Variants in IRX3 observed in about 807,000 individuals in gnomAD.
IRX3 encodes the protein iroquois-class homeodomain protein IRX-3.
Under a neutral mutation model 36.4 loss-of-function variants are expected in IRX3, and 20 were observed. The ratio of observed to expected loss-of-function variants is 0.55; its 90% CI spans 0.39 to 0.80. The LOEUF (loss-of-function observed/expected upper bound fraction) is 0.80. IRX3 is among the 30% of genes least tolerant of loss of function. The pLI, the probability that IRX3 is intolerant of heterozygous loss-of-function variation, is 0.00. For missense variants in IRX3, 718 were observed against 733.2 expected (o/e 0.98, Z 0.24); for synonymous variants, 404 against 351.6 (o/e 1.15, Z -1.67).
Position 54,285,743 on chromosome 16 carries a change from C to G in IRX3, c.267+41G>C. 1.3e-6 allele frequency: 2 copies of G among 1,490,230 alleles called. No homozygotes were observed. Among genetic ancestry groups the G allele is most frequent in the Non-Finnish European group, 1.8e-6 (2 of 1,129,430 alleles). The allele number at this position is 1,490,230 out of a possible 1,614,324, so 92.3% of individuals were successfully genotyped here. On this transcript the variant is annotated intron_variant, in intron 1 of 3. Coordinates refer to ENST00000329734, the MANE Select transcript of IRX3 (RefSeq NM_024336.3). The surrounding 1 kb of genome is among the most constrained non-coding windows in gnomAD (Gnocchi z 5.7). ...CCGCGCGCTCAGCTCGCCCTGCGCC[C>G]CAGCGCCAACCCCTCCTTCCCTGGC...
rs1901233423 is a variant in IRX3 at position 54,283,718 on chromosome 16, C to A, written c.1474G>T (p.Ala492Ser). ...GAGGAGAGAGCCGATAAGACCAGGG[C>A]GGCGTCCAGATGGTTCTGGGGCCTG... ...PRRPQNHLDA[A>S]LVLSALSSS The change falls in exon 4 of 4, where the codon GCC (alanine) becomes TCC (serine). Residue 492 changes from alanine (A) to serine (S), a missense_variant. Coordinates refer to ENST00000329734, the MANE Select transcript of IRX3 (RefSeq NM_024336.3). The surrounding 1 kb of genome is among the most constrained non-coding windows in gnomAD (Gnocchi z 4.4). 3.3e-6 allele frequency: 5 copies of A among 1,501,352 alleles called. No individual in the cohort carries two copies. Among genetic ancestry groups the A allele is most frequent in the Non-Finnish European group, 4.6e-6 (5 of 1,077,870 alleles). The allele number at this position is 1,501,352 out of a possible 1,614,324, so 93.0% of individuals were successfully genotyped here. A position where few individuals can be genotyped will look rare whatever the true frequency, so the allele number is the denominator to read the frequency against.
chr16:54,285,069 G>C lies in IRX3; in HGVS notation c.812C>G (p.Ala271Gly). 1 of 1,613,174 alleles carries C rather than the reference G, an allele frequency of 6.2e-7. No homozygotes were observed. Among genetic ancestry groups the C allele is most frequent in the Non-Finnish European group, 8.5e-7 (1 of 1,179,798 alleles). Residue 271 changes from alanine to glycine, a missense_variant, in exon 2 of 4, where the codon GCT (alanine) becomes GGT (glycine). Transcript: ENST00000329734. This position sits in a 1 kb window ranked among gnomAD's most constrained non-coding sequence, Gnocchi z 5.7. ...GTCGCCATCCCTGCGCGCCGCCCCAGCCAGGGACAGCTCAGGCTCGGTGGC... is the reference window on the plus strand; with the variant it reads ...GTCGCCATCCCTGCGCGCCGCCCCACCCAGGGACAGCTCAGGCTCGGTGGC... ...GAATEPELSLAGAARRDGDLG... is the reference protein window; with the variant it reads ...GAATEPELSLGGAARRDGDLG...
rs1901239529 is a variant in IRX3 at position 54,283,939 on chromosome 16, G to C, written c.1452-199C>G. On this transcript the variant is annotated intron_variant, in intron 3 of 3. Coordinates refer to ENST00000329734, the MANE Select transcript of IRX3 (RefSeq NM_024336.3). This position sits in a 1 kb window ranked among gnomAD's most constrained non-coding sequence, Gnocchi z 4.4. Reference sequence around the variant, plus strand: ...GCGTCAGGACCCGAGGTCTGGGGCTGGAAAGAGGTGGGCGTCAGAGAACCG... The same window carrying C: ...GCGTCAGGACCCGAGGTCTGGGGCTCGAAAGAGGTGGGCGTCAGAGAACCG... 1 of 985,288 alleles carries C rather than the reference G, an allele frequency of 1.0e-6. No homozygotes were observed. Among genetic ancestry groups the C allele is most frequent in the South Asian group, 4.7e-5 (1 of 21,290 alleles). The allele number at this position is 985,288 out of a possible 1,614,324, so 61.0% of individuals were successfully genotyped here.
Position 54,283,491 on chromosome 16 carries a change from G to A in IRX3, c.*195C>T, listed in dbSNP as rs1901222840. The A allele has an allele frequency of 2.0e-6, 1 of 504,856 alleles. No individual in the cohort carries two copies. Among genetic ancestry groups the A allele is most frequent in the Non-Finnish European group, 3.6e-6 (1 of 277,790 alleles). The allele number at this position is 504,856 out of a possible 1,614,324, so 31.3% of individuals were successfully genotyped here. On this transcript the variant is annotated 3_prime_UTR_variant, in exon 4 of 4. Coordinates refer to ENST00000329734, the MANE Select transcript of IRX3 (RefSeq NM_024336.3). This position sits in a 1 kb window ranked among gnomAD's most constrained non-coding sequence, Gnocchi z 4.4. ...ACAAACCTCACAGCGAATGCGGGGT[G>A]CCACAGAAGCGACTTGGGGAGGGCT...
chr16:54,284,552 G>T lies in IRX3; in HGVS notation c.1329C>A (p.Gly443=). The part of the protein sequence containing the change: ...PHLLGLPGAA[G]HPAAAAAFAR... ...CGAAGGCGGCGGCGGCAGCCGGGTG[G>T]CCCGCGGCTCCGGGAAGTCCCAGCA... Residue 443 remains glycine (G), a synonymous_variant, in exon 2 of 4, where the codon GGC becomes GGA. Transcript: ENST00000329734. The surrounding 1 kb of genome is among the most constrained non-coding windows in gnomAD (Gnocchi z 4.0). 2 of 1,419,286 alleles carry T rather than the reference G, an allele frequency of 1.4e-6. No homozygotes were observed. The highest frequency in any genetic ancestry group is 3.1e-5 in the Admixed American group (1 of 32,064). 87.9% of individuals were successfully genotyped at this position (1,419,286 alleles called of 1,614,324 possible).
chr16:54,285,822 G>A lies in IRX3; in HGVS notation c.229C>T (p.Leu77=). 1 of 1,565,800 alleles carries A rather than the reference G, an allele frequency of 6.4e-7. No individual in the cohort carries two copies. The highest frequency in any genetic ancestry group is 8.6e-7 in the Non-Finnish European group (1 of 1,160,728). Residue 77 remains leucine (L), a synonymous_variant, in exon 1 of 4, where the codon CTG becomes TTG. Coordinates refer to ENST00000329734, the MANE Select transcript of IRX3 (RefSeq NM_024336.3). This position sits in a 1 kb window ranked among gnomAD's most constrained non-coding sequence, Gnocchi z 5.7. ...AAAAQGYGAF[L]PYAAELPIFP... The stretch of plus-strand genomic sequence containing the variant: ...ATGGGCAGCTCCGCGGCGTAGGGCA[G>A]GAAGGCGCCGTAGCCTTGGGCGGCG...
At position 54,284,734 on chromosome 16, in the gene IRX3, G is replaced by T; in HGVS notation, c.1147C>A (p.Leu383Met). Reference sequence around the variant, plus strand: ...GCGGCGGCGGCCGGAGAGAGCTGCAGGGCGGAAGGCGCGACCGCTGCCCCC... The same window carrying T: ...GCGGCGGCGGCCGGAGAGAGCTGCATGGCGGAAGGCGCGACCGCTGCCCCC... Reference protein sequence around the residue: ...PPGAAVAPSALQLSPAAAAAA... With the variant: ...PPGAAVAPSAMQLSPAAAAAA... The change falls in exon 2 of 4, where the codon CTG becomes ATG. Residue 383 changes from leucine to methionine, a missense_variant. By Grantham distance (15) the Leu-to-Met change is conservative. Around this residue, in one of 3 missense-constraint regions of IRX3, gnomAD observed 468 missense variants for 462.1 expected, o/e 1.01. Coordinates refer to ENST00000329734, the MANE Select transcript of IRX3 (RefSeq NM_024336.3). This position sits in a 1 kb window ranked among gnomAD's most constrained non-coding sequence, Gnocchi z 4.0. 1.4e-6 allele frequency: 2 copies of T among 1,454,202 alleles called. No individual in the cohort carries two copies. Among genetic ancestry groups the T allele is most frequent in the South Asian group, 2.8e-5 (2 of 71,124 alleles). The allele number at this position is 1,454,202 out of a possible 1,614,324, so 90.1% of individuals were successfully genotyped here.
chr16:54,285,149 G>A lies in IRX3; in HGVS notation c.732C>T (p.Gly244=). Residue 244 remains glycine (G), a synonymous_variant, in exon 2 of 4, where the codon GGC becomes GGT. Coordinates refer to ENST00000329734, the MANE Select transcript of IRX3 (RefSeq NM_024336.3). This position sits in a 1 kb window ranked among gnomAD's most constrained non-coding sequence, Gnocchi z 5.7. ...CCTCGTCCTCGTCGTCGTCAGCCAG[G>A]CCCTCGCCCCCCGTGTCCTCCTCCT... The part of the protein sequence containing the change: ...GGEEEDTGGE[G]LADDDEDEEI... 6.2e-7 allele frequency: 1 copy of A among 1,609,188 alleles called. No individual in the cohort carries two copies. The highest frequency in any genetic ancestry group is 1.1e-5 in the South Asian group (1 of 90,442).
chr16:54,283,436 A>C lies in IRX3; in HGVS notation c.*250T>G. ...AAGGCAGACACGTTTATTCTCACTG[A>C]AACTCCACCCCCCAAAATCAACCGG... On this transcript the variant is annotated 3_prime_UTR_variant, in exon 4 of 4. Transcript: ENST00000329734. This position sits in a 1 kb window ranked among gnomAD's most constrained non-coding sequence, Gnocchi z 4.4. 4.5e-6 allele frequency: 2 copies of C among 441,018 alleles called. No individual in the cohort carries two copies. Among genetic ancestry groups the C allele is most frequent in the Non-Finnish European group, 8.3e-6 (2 of 240,152 alleles). The allele number at this position is 441,018 out of a possible 1,614,324, so 27.3% of individuals were successfully genotyped here.
rs1277939161 is a variant in IRX3 at position 54,286,505 on chromosome 16, C to G, written c.-455G>C. ...TCCCCTCTCCGCACTCCTCTTCCCC[C>G]CAGGATCGCTTCCGCTGCTTCGGGC... is the stretch of plus-strand genomic sequence containing the variant. On this transcript the variant is annotated 5_prime_UTR_variant, in exon 1 of 4. Coordinates refer to ENST00000329734, the MANE Select transcript of IRX3 (RefSeq NM_024336.3). 1.8e-6 allele frequency: 1 copy of G among 561,948 alleles called. No homozygotes were observed. The allele number at this position is 561,948 out of a possible 1,614,324, so 34.8% of individuals were successfully genotyped here.
In IRX3 at chr16:54,285,664, G is replaced by A. The variant is rs1190904670; in HGVS notation, c.268-51C>T. 1 of 1,464,048 alleles carries A rather than the reference G, an allele frequency of 6.8e-7. No individual in the cohort carries two copies. 90.7% of individuals were successfully genotyped at this position (1,464,048 alleles called of 1,614,324 possible). ...ACACGCGCGGAGGGAGCGCGAGTGA[G>A]CCCCAGCCATCGCTGCCTCCCCCCT... On this transcript the variant is annotated intron_variant, in intron 1 of 3. Coordinates refer to ENST00000329734, the MANE Select transcript of IRX3 (RefSeq NM_024336.3). The surrounding 1 kb of genome is among the most constrained non-coding windows in gnomAD (Gnocchi z 5.7).
In IRX3 at chr16:54,286,156, G is replaced by T; in HGVS notation, c.-106C>A. The T allele has an allele frequency of 9.3e-7, 1 of 1,074,264 alleles. No individual in the cohort carries two copies. The highest frequency in any genetic ancestry group is 1.1e-6 in the Non-Finnish European group (1 of 884,888). The allele number at this position is 1,074,264 out of a possible 1,614,324, so 66.5% of individuals were successfully genotyped here. A position where few individuals can be genotyped will look rare whatever the true frequency, so the allele number is the denominator to read the frequency against. Reference sequence around the variant, plus strand: ...CATCGGGGGCTGGGCCGGGCTTGGGGCCGCGCTGCCGCCCGCGCTGCGCTG... The same window carrying T: ...CATCGGGGGCTGGGCCGGGCTTGGGTCCGCGCTGCCGCCCGCGCTGCGCTG... On this transcript the variant is annotated 5_prime_UTR_variant, in exon 1 of 4. Coordinates refer to ENST00000329734, the MANE Select transcript of IRX3 (RefSeq NM_024336.3).
rs566773503 is a variant in IRX3, at chr16:54,285,863, G to T, written c.188C>A (p.Ala63Glu). The change falls in exon 1 of 4, where the codon GCG becomes GAG. Residue 63 changes from alanine (A) to glutamate (E), a missense_variant. By Grantham distance (107) the Ala-to-Glu change is moderately radical. Around this residue, in one of 3 missense-constraint regions of IRX3, gnomAD observed 204 missense variants for 181.4 expected, o/e 1.12. Transcript: ENST00000329734. The surrounding 1 kb of genome is among the most constrained non-coding windows in gnomAD (Gnocchi z 5.7). ...LSSVYGAPYAAAAAAAAAQGY... is the reference protein window; with the variant it reads ...LSSVYGAPYAEAAAAAAAQGY... ...TTGGGCGGCGGCGGCCGCAGCGGCC[G>T]CGGCGTAGGGCGCCCCGTACACGGA... The T allele has an allele frequency of 4.5e-5, 69 of 1,541,088 alleles. No homozygotes were observed. Among genetic ancestry groups the T allele is most frequent in the Non-Finnish European group, 5.4e-5 (62 of 1,145,650 alleles).
Position 54,286,356 on chromosome 16 carries a change from G to T in IRX3, c.-306C>A. 1 of 987,978 alleles carries T rather than the reference G, an allele frequency of 1.0e-6. No individual in the cohort carries two copies. Among genetic ancestry groups the T allele is most frequent in the Non-Finnish European group, 1.2e-6 (1 of 831,872 alleles). 61.2% of individuals were successfully genotyped at this position (987,978 alleles called of 1,614,324 possible). A position where few individuals can be genotyped will look rare whatever the true frequency, so the allele number is the denominator to read the frequency against. On this transcript the variant is annotated 5_prime_UTR_variant, in exon 1 of 4. Transcript: ENST00000329734. ...TCTCTGCGCCGCGCTCCCTCCTCTC[G>T]GCCGCCGGAGCTGCCTCTGCCCGCT...
In IRX3 at chr16:54,284,884, G is replaced by A. The variant is rs1387108355; in HGVS notation, c.997C>T (p.Pro333Ser). Residue 333 changes from proline to serine, a missense_variant, in exon 2 of 4, where the codon CCC (proline) becomes TCC (serine). By Grantham distance (74) the Pro-to-Ser change is moderately conservative. Transcript: ENST00000329734. The surrounding 1 kb of genome is among the most constrained non-coding windows in gnomAD (Gnocchi z 4.0). Reference sequence around the variant, plus strand: ...GCGGGGGCTGGTGCGGGAGCGCAGGGGTCCAGGCTCACGGGGGGCGACGGC... The same window carrying A: ...GCGGGGGCTGGTGCGGGAGCGCAGGAGTCCAGGCTCACGGGGGGCGACGGC... ...SLPSPPVSLD[P>S]CAPAPAPASA... 6.4e-7 allele frequency: 1 copy of A among 1,565,954 alleles called. No individual in the cohort carries two copies. Among genetic ancestry groups the A allele is most frequent in the South Asian group, 1.2e-5 (1 of 84,838 alleles).
In IRX3 at chr16:54,285,841, G is replaced by C; in HGVS notation, c.210C>G (p.Ala70=). 6.4e-7 allele frequency: 1 copy of C among 1,554,168 alleles called. No individual in the cohort carries two copies. Among genetic ancestry groups the C allele is most frequent in the South Asian group, 1.2e-5 (1 of 84,730 alleles). ...PYAAAAAAAA[A]QGYGAFLPYA... The stretch of plus-strand genomic sequence containing the variant: ...AGGGCAGGAAGGCGCCGTAGCCTTG[G>C]GCGGCGGCGGCCGCAGCGGCCGCGG... The change falls in exon 1 of 4, where the codon GCC becomes GCG. Residue 70 remains alanine (A), a synonymous_variant. Transcript: ENST00000329734. The surrounding 1 kb of genome is among the most constrained non-coding windows in gnomAD (Gnocchi z 5.7).
rs1901237735 is a variant in IRX3 at position 54,283,877 on chromosome 16, T to C, written c.1452-137A>G. On this transcript the variant is annotated intron_variant, in intron 3 of 3. Coordinates refer to ENST00000329734, the MANE Select transcript of IRX3 (RefSeq NM_024336.3). The surrounding 1 kb of genome is among the most constrained non-coding windows in gnomAD (Gnocchi z 4.4). Reference sequence around the variant, plus strand: ...ATGTAAAATTATGTCCAGTTGTAGATGTGTGTGTTGGGGTTTAACTGTAGG... The same window carrying C: ...ATGTAAAATTATGTCCAGTTGTAGACGTGTGTGTTGGGGTTTAACTGTAGG... 2.6e-6 allele frequency: 4 copies of C among 1,518,372 alleles called. No individual in the cohort carries two copies. The highest frequency in any genetic ancestry group is 8.8e-7 in the Non-Finnish European group (1 of 1,131,012). The allele number at this position is 1,518,372 out of a possible 1,614,324, so 94.1% of individuals were successfully genotyped here. A position where few individuals can be genotyped will look rare whatever the true frequency, so the allele number is the denominator to read the frequency against.
rs779227141 is a variant in IRX3 at position 54,285,113 on chromosome 16, C to T, written c.768G>A (p.Leu256=). The T allele has an allele frequency of 1.9e-6, 3 of 1,613,592 alleles. No individual in the cohort carries two copies. Among genetic ancestry groups the T allele is most frequent in the African/African-American group, 2.7e-5 (2 of 74,878 alleles). ...CGGTGGCCGCGCCGTCTAAGTTCTC[C>T]AAATCGATCTCCTCGTCCTCGTCGT... ...ADDDEDEEID[L]ENLDGAATEP... is the part of the protein sequence containing the mutation. The change falls in exon 2 of 4, where the codon TTG becomes TTA. Residue 256 remains leucine, a synonymous_variant. Transcript: ENST00000329734. The surrounding 1 kb of genome is among the most constrained non-coding windows in gnomAD (Gnocchi z 5.7).
rs1901260150 is a variant in IRX3, at chr16:54,284,444, C to T, written c.1384+53G>A. On this transcript the variant is annotated intron_variant, in intron 2 of 3. Coordinates refer to ENST00000329734, the MANE Select transcript of IRX3 (RefSeq NM_024336.3). The surrounding 1 kb of genome is among the most constrained non-coding windows in gnomAD (Gnocchi z 4.0). ...GGGCCCTGCCCCTCCCGGCCAGCTCCGGCACTACCCGCAGAGCCCGCCCCC... is the reference window on the plus strand; with the variant it reads ...GGGCCCTGCCCCTCCCGGCCAGCTCTGGCACTACCCGCAGAGCCCGCCCCC... The T allele has an allele frequency of 1.4e-6, 2 of 1,400,680 alleles. No individual in the cohort carries two copies. The highest frequency in any genetic ancestry group is 1.8e-6 in the Non-Finnish European group (2 of 1,086,048). 86.8% of individuals were successfully genotyped at this position (1,400,680 alleles called of 1,614,324 possible). A position where few individuals can be genotyped will look rare whatever the true frequency, so the allele number is the denominator to read the frequency against.
Sources: gnomAD v4.1 joint callset for allele counts on GRCh38, gnomAD v4.1.1 for gene constraint, gnomAD v4.1.1 regional missense constraint, Gnocchi (gnomAD v3.1) non-coding constraint, MANE v1.5 for transcripts, NCBI Gene and HGNC (gene_info 2026-07-23, HGNC 2026-07-21) for gene names.